KCNQ1: variants seen among roughly 807,000 people sequenced by gnomAD.
KCNQ1 encodes potassium voltage-gated channel subfamily Q member 1.
A neutral mutation model predicts 72.4 loss-of-function variants in KCNQ1; 49 were observed. The observed-to-expected ratio is 0.68, with a 90% CI of 0.54 to 0.86. The LOEUF is 0.86. KCNQ1 is among the 40% of genes least tolerant of loss of function. The pLI, the probability that KCNQ1 is intolerant of heterozygous loss-of-function variation, is 0.00. For synonymous variants in KCNQ1, 450 were observed against 412.6 expected (o/e 1.09, Z -1.10); for missense variants, 790 against 945.1 (o/e 0.84, Z 2.15).
chr11:2,764,693 T>C lies in KCNQ1; in HGVS notation c.1515-4151T>C, dbSNP rs1331692234. Among the ~76,000 whole-genome samples, 1 of 152,238 alleles carries C rather than the reference T, an allele frequency of 6.6e-6. No individual in the cohort carries two copies. Reference sequence around the variant, plus strand: ...CCAAATTTAACTTATTTAATTAATATTGGGCAATTTGGATTATTTTTGTTT... The same window carrying C: ...CCAAATTTAACTTATTTAATTAATACTGGGCAATTTGGATTATTTTTGTTT... On this transcript the variant is annotated intron_variant, in intron 11 of 15. Coordinates refer to ENST00000155840, the MANE Select transcript of KCNQ1 (RefSeq NM_000218.3). The surrounding 1 kb of genome is among the most constrained non-coding windows in gnomAD (Gnocchi z 4.8).
intron 15 of KCNQ1, among the ~76,000 whole-genome samples, chr11:2,802,385 G>A (rs568743597): frequency 6.6e-6 from 1 of 152,210 alleles, no homozygotes; most frequent in Non-Finnish European, 1.5e-5. Flanking sequence ...TCCCAAGGGG[G>A]CCACTGAGGC....
chr11:2,777,392 C>T (rs1011870035), intron 14 of KCNQ1, among the ~76,000 whole-genome samples: 1 of 152,072 alleles, frequency 6.6e-6, no homozygotes, highest in African/African-American at 2.4e-5. Flanking sequence ...ATTCAAGAGA[C>T]TATGGGTGGG....
Position 2,608,454 on chromosome 11 carries a change from T to C in KCNQ1, c.1393+19600T>C, listed in dbSNP as rs1176687917. The C allele has an allele frequency of 5.0e-6, 2 of 398,474 alleles. No homozygotes were observed. Among genetic ancestry groups the C allele is most frequent in the Non-Finnish European group, 8.8e-6 (2 of 226,064 alleles). 24.7% of individuals were successfully genotyped at this position (398,474 alleles called of 1,614,324 possible). A position where few individuals can be genotyped will look rare whatever the true frequency, so the allele number is the denominator to read the frequency against. On this transcript the variant is annotated intron_variant, in intron 10 of 15. Coordinates refer to ENST00000155840, the MANE Select transcript of KCNQ1 (RefSeq NM_000218.3). The surrounding 1 kb of genome is among the most constrained non-coding windows in gnomAD (Gnocchi z 4.6). ...CTTTTTATTTCTGTCAGGTTGGTAG[T>C]ATACTTCCCTCATTCATTCCTTTTT... is the stretch of plus-strand genomic sequence containing the variant.
In KCNQ1 at chr11:2,691,709, G is replaced by A. The variant is rs1214100668; in HGVS notation, c.1514+29628G>A. On this transcript the variant is annotated intron_variant, in intron 11 of 15. Transcript: ENST00000155840. The surrounding 1 kb of genome is among the most constrained non-coding windows in gnomAD (Gnocchi z 6.4). ...GGGGTCTCTCCCCATCTGTCCAGGG[G>A]AGAGGCAGCCCACAGGGAGCCACAC... The A allele has an allele frequency of 5.0e-6, 2 of 398,466 alleles. No homozygotes were observed. Among genetic ancestry groups the A allele is most frequent in the African/African-American group, 4.1e-5 (2 of 48,580 alleles). The allele number at this position is 398,466 out of a possible 1,614,324, so 24.7% of individuals were successfully genotyped here. A position where few individuals can be genotyped will look rare whatever the true frequency, so the allele number is the denominator to read the frequency against.
At chr11:2,524,634 T>A (rs1847462497) in intron 1 of KCNQ1, among the ~76,000 whole-genome samples, 1 of 152,080 alleles carries the variant, frequency 6.6e-6, no homozygotes. Context: ...TGGTGGGTGG[T>A]GGGTTTTGCC....
chr11:2,578,935 C>T (rs1031023677), intron 6 of KCNQ1, among the ~76,000 whole-genome samples: 2 of 152,244 alleles, frequency 1.3e-5, no homozygotes, highest in Non-Finnish European at 2.9e-5. Context: ...TGCCCAGCCT[C>T]AGTTTCCTCC....
chr11:2,833,570 T>C (rs1451312322), intron 15 of KCNQ1, among the ~76,000 whole-genome samples: 2 of 152,156 alleles, frequency 1.3e-5, no homozygotes, highest in Non-Finnish European at 2.9e-5. Context: ...CCAGCAACCG[T>C]GTCACTGGGA....
At position 2,745,336 on chromosome 11, in the gene KCNQ1, G is replaced by C. The variant is rs1192062154; in HGVS notation, c.1515-23508G>C. Among the ~76,000 whole-genome samples the C allele has an allele frequency of 2.0e-5, 3 of 152,116 alleles. No homozygotes were observed. Among genetic ancestry groups the C allele is most frequent in the Non-Finnish European group, 4.4e-5 (3 of 68,036 alleles). On this transcript the variant is annotated intron_variant, in intron 11 of 15. Transcript: ENST00000155840. This position sits in a 1 kb window ranked among gnomAD's most constrained non-coding sequence, Gnocchi z 6.2. Reference sequence around the variant, plus strand: ...TGGACCTCTGTTGCCATCTTTTCCTGAAAGGGCTGGTGGGGTCTTGCTTCC... The same window carrying C: ...TGGACCTCTGTTGCCATCTTTTCCTCAAAGGGCTGGTGGGGTCTTGCTTCC...
At chr11:2,535,731 C>G (rs566942859) in intron 2 of KCNQ1, among the ~76,000 whole-genome samples, 4 of 152,348 alleles carry the variant, frequency 2.6e-5, no homozygotes, top group African/African-American at 7.2e-5. Context: ...CTGGTACCCC[C>G]TGAAGACCTG....
At chr11:2,606,319 G>T (rs547221120) in intron 10 of KCNQ1, among the ~76,000 whole-genome samples, 1 of 152,212 alleles carries the variant, frequency 6.6e-6, no homozygotes, top group East Asian at 1.9e-4. Context: ...TGGATGTTTG[G>T]TCCCTCCAAA....
intron 10 of KCNQ1, chr11:2,628,720 G>A (rs1849301985): frequency 2.5e-6 from 1 of 398,186 alleles, no homozygotes; most frequent in South Asian, 1.3e-4. Context: ...AAAACCAATG[G>A]CAAGGAGCTT....
chr11:2,575,291 C>T (rs1485928478), intron 6 of KCNQ1, among the ~76,000 whole-genome samples: 2 of 152,172 alleles, frequency 1.3e-5, no homozygotes, highest in East Asian at 1.9e-4. Context: ...CCGTCAGCTG[C>T]AGCCCGAGCC....
rs1323543760 is a variant in KCNQ1 at position 2,695,845 on chromosome 11, G to C, written c.1514+33764G>C. The C allele has an allele frequency of 2.5e-6, 1 of 398,514 alleles. No individual in the cohort carries two copies. The highest frequency in any genetic ancestry group is 4.4e-6 in the Non-Finnish European group (1 of 226,062). The allele number at this position is 398,514 out of a possible 1,614,324, so 24.7% of individuals were successfully genotyped here. On this transcript the variant is annotated intron_variant, in intron 11 of 15. Transcript: ENST00000155840. This position sits in a 1 kb window ranked among gnomAD's most constrained non-coding sequence, Gnocchi z 5.2. ...CATTTCTCTGATAACTGATTAGCTTGGGCAAATTTTCATCTGTTTGTTAAC... is the reference window on the plus strand; with the variant it reads ...CATTTCTCTGATAACTGATTAGCTTCGGCAAATTTTCATCTGTTTGTTAAC...
intron 10 of KCNQ1, chr11:2,619,072 T>G: frequency 2.5e-6 from 1 of 398,528 alleles, no homozygotes; most frequent in Non-Finnish European, 4.4e-6. Flanking sequence ...ACAGGTTGCT[T>G]TGTCAGAGTC....
intron 15 of KCNQ1, among the ~76,000 whole-genome samples, chr11:2,804,424 G>T (rs1345009815): frequency 6.6e-6 from 1 of 152,214 alleles, no homozygotes; most frequent in Non-Finnish European, 1.5e-5. Context: ...CGCCGCCCTG[G>T]GCAGAAACAA....
intron 10 of KCNQ1, chr11:2,640,183 G>A (rs922272012): frequency 6.5e-5 from 25 of 387,202 alleles, no homozygotes; most frequent in African/African-American, 2.1e-4. Context: ...GCCCTACTTC[G>A]TCTCACACTC....
At position 2,498,668 on chromosome 11, in the gene KCNQ1, T is replaced by G. The variant is rs1036732085; in HGVS notation, c.387-29260T>G. 1.3e-5 allele frequency among the ~76,000 whole-genome samples: 2 copies of G among 152,230 alleles called. No individual in the cohort carries two copies. The highest frequency in any genetic ancestry group is 4.8e-5 in the African/African-American group (2 of 41,456). On this transcript the variant is annotated intron_variant, in intron 1 of 15. Transcript: ENST00000155840. This position sits in a 1 kb window ranked among gnomAD's most constrained non-coding sequence, Gnocchi z 4.8. ...AGTGAGACCACTTGGCTTCCTGGCC[T>G]CAGCCCCCTTTCCAGGGGAGTAAAT...
chr11:2,499,052 C>T (rs1343540046), intron 1 of KCNQ1, among the ~76,000 whole-genome samples: 3 of 152,156 alleles, frequency 2.0e-5, no homozygotes, highest in African/African-American at 7.2e-5. Flanking sequence ...TGGGCTGCAC[C>T]CACTGCCTAA....
At chr11:2,760,635 C>G (rs970650728) in intron 11 of KCNQ1, among the ~76,000 whole-genome samples, 1 of 152,172 alleles carries the variant, frequency 6.6e-6, no homozygotes, top group African/African-American at 2.4e-5. Context: ...GGGCACCAGC[C>G]CCGGGCCCTC....
Sources: allele counts gnomAD v4.1 joint callset (sites outside exome capture counted in the v4.1 genomes callset), GRCh38; gene constraint gnomAD v4.1.1; non-coding constraint Gnocchi (gnomAD v3.1); transcripts MANE v1.5; gene names NCBI Gene and HGNC (gene_info 2026-07-23, HGNC 2026-07-21).